Variants in EPS15 observed in about 807,000 individuals in gnomAD.
The protein encoded by EPS15 is epidermal growth factor receptor pathway substrate 15.
A neutral mutation model predicts 113.8 loss-of-function variants in EPS15; 72 were observed. The ratio of observed to expected loss-of-function variants is 0.63; its 90% CI spans 0.52 to 0.77. The LOEUF is 0.77. EPS15 is among the 30% of genes least tolerant of loss of function. The probability of loss-of-function intolerance (pLI) is 0.00; values close to 1 mark genes in which losing one functional copy is unlikely to be tolerated. For synonymous variants in EPS15, 344 were observed against 363.4 expected, an observed-to-expected ratio of 0.95 and a Z score of 0.61; for missense variants, 1,048 against 1,045.8, an observed-to-expected ratio of 1.00 and a Z score of -0.03.
intron 1 of EPS15, among the ~76,000 whole-genome samples, chr1:51,482,417 T>C (rs888500285): frequency 1.6e-4 from 24 of 151,942 alleles, no homozygotes; most frequent in Non-Finnish European, 7.4e-5. Context: ...ATAAGAGGGA[T>C]AGGGAGATAA....
intron 21 of EPS15, among the ~76,000 whole-genome samples, chr1:51,375,527 T>G (rs762954245): frequency 6.6e-6 from 1 of 152,204 alleles, no homozygotes. Context: ...AAATGTCTTG[T>G]GTTTGTGACT....
At chr1:51,487,247 AC>A (rs1644141496) in intron 1 of EPS15, among the ~76,000 whole-genome samples, 1 of 152,220 alleles carries the variant, frequency 6.6e-6, no homozygotes, top group Admixed American at 6.5e-5. Context: ...GACAGATTTG[AC>A]CGAGAAACTG....
intron 1 of EPS15, among the ~76,000 whole-genome samples, chr1:51,508,342 A>AAGAAAGAC: frequency 9.7e-6 from 1 of 102,866 alleles, no homozygotes; most frequent in South Asian, 3.0e-4. Context: ...GAAAGAGAGA[A>AAGAAAGAC]AGAAAGAAAG....
At chr1:51,505,601 G>A (rs981417092) in intron 1 of EPS15, among the ~76,000 whole-genome samples, 4 of 152,056 alleles carry the variant, frequency 2.6e-5, no homozygotes, top group South Asian at 4.1e-4. Flanking sequence ...ATGTTTGCAC[G>A]TATCTGTGAA....
At chr1:51,427,224 A>G (rs757697463) in intron 12 of EPS15, among the ~76,000 whole-genome samples, 16 of 152,204 alleles carry the variant, frequency 1.1e-4, no homozygotes, top group Non-Finnish European at 2.2e-4. Flanking sequence ...TATAAAATGA[A>G]TATCTACTTT....
chr1:51,366,631 T>C (rs944861143), intron 21 of EPS15, among the ~76,000 whole-genome samples: 4 of 152,204 alleles, frequency 2.6e-5, no homozygotes, highest in Non-Finnish European at 5.9e-5. Flanking sequence ...TTGGAACACA[T>C]TTCAAATAAT....
chr1:51,496,072 T>C (rs560712864), intron 1 of EPS15, among the ~76,000 whole-genome samples: 3 of 152,296 alleles, frequency 2.0e-5, no homozygotes, highest in Non-Finnish European at 4.4e-5. Flanking sequence ...ATAACATACA[T>C]TGAATCTCAT....
intron 13 of EPS15, among the ~76,000 whole-genome samples, chr1:51,414,112 T>C (rs1649991152): frequency 6.6e-6 from 1 of 152,066 alleles, no homozygotes; most frequent in Admixed American, 6.6e-5. Flanking sequence ...TTTTGTTAGT[T>C]TGAAAATACA....
chr1:51,483,412 T>C (rs1644058355), intron 1 of EPS15, among the ~76,000 whole-genome samples: 2 of 148,018 alleles, frequency 1.4e-5, no homozygotes, highest in African/African-American at 5.2e-5. Flanking sequence ...TGTGTGTGTG[T>C]GTGTGTGTGT....
chr1:51,492,605 T>C (rs1644254228), intron 1 of EPS15, among the ~76,000 whole-genome samples: 1 of 152,058 alleles, frequency 6.6e-6, no homozygotes, highest in South Asian at 2.1e-4. Context: ...TGATCAAAAA[T>C]CTAGGTGACA....
intron 7 of EPS15, among the ~76,000 whole-genome samples, chr1:51,462,977 C>A (rs995424043): frequency 1.3e-5 from 2 of 149,004 alleles, no homozygotes; most frequent in South Asian, 4.2e-4. Flanking sequence ...CCTGGGTTCA[C>A]GCGATTCTTC....
chr1:51,435,489 C>T (rs543401564), intron 12 of EPS15, among the ~76,000 whole-genome samples: 117 of 152,292 alleles, frequency 7.7e-4, no homozygotes, highest in Middle Eastern at 3.4e-3. Flanking sequence ...CCACTGTGTC[C>T]GGCCTAAAAT....
In EPS15 at chr1:51,356,587, A is replaced by C; in HGVS notation, c.*113T>G. ...CTAAAATTTTGTCACATTTACAGGA[A>C]TCTCAAACCTTTTGTATTCCCATGC... On this transcript the variant is annotated 3_prime_UTR_variant, in exon 25 of 25. Coordinates refer to ENST00000371733, the MANE Select transcript of EPS15 (RefSeq NM_001981.3). The C allele has an allele frequency of 1.1e-6, 1 of 891,358 alleles. No homozygotes were observed. The highest frequency in any genetic ancestry group is 1.6e-6 in the Non-Finnish European group (1 of 614,418). The allele number at this position is 891,358 out of a possible 1,614,324, so 55.2% of individuals were successfully genotyped here. A position where few individuals can be genotyped will look rare whatever the true frequency, so the allele number is the denominator to read the frequency against.
intron 21 of EPS15, among the ~76,000 whole-genome samples, chr1:51,381,349 T>G (rs567701147): frequency 6.6e-6 from 1 of 152,132 alleles, no homozygotes. Flanking sequence ...TCCCAACACT[T>G]TGGGAGGCCG....
chr1:51,435,094 C>G (rs528505230), intron 12 of EPS15, among the ~76,000 whole-genome samples: 7 of 151,638 alleles, frequency 4.6e-5, no homozygotes, highest in Non-Finnish European at 7.4e-5. Flanking sequence ...ACTAAGTCTG[C>G]AGAATATTTA....
chr1:51,463,977 T>C (rs1006647841), intron 6 of EPS15, among the ~76,000 whole-genome samples, 179 bp from the exon 7 acceptor site: 17 of 152,198 alleles, frequency 1.1e-4, no homozygotes, highest in African/African-American at 3.9e-4. Context: ...AAAAAATACA[T>C]AGGAAATAAT....
At chr1:51,391,883 T>C (rs1647405101) in intron 21 of EPS15, among the ~76,000 whole-genome samples, 1 of 152,190 alleles carries the variant, frequency 6.6e-6, no homozygotes, top group Admixed American at 6.5e-5. Flanking sequence ...AGCTGCTTTG[T>C]GTTAGACTTA....
intron 11 of EPS15, among the ~76,000 whole-genome samples, chr1:51,441,971 C>T (rs1652631455): frequency 6.6e-6 from 1 of 152,042 alleles, no homozygotes; most frequent in African/African-American, 2.4e-5. Flanking sequence ...TTTCTTTATG[C>T]CACACTGCAG....
chr1:51,445,721 T>G (rs900059856), intron 10 of EPS15, among the ~76,000 whole-genome samples: 7 of 152,192 alleles, frequency 4.6e-5, no homozygotes, highest in Non-Finnish European at 8.8e-5. Flanking sequence ...ATGAAAAGAC[T>G]ACATAAGTAA....
Sources: gnomAD v4.1 joint callset for allele counts (sites outside exome capture counted in the v4.1 genomes callset) on GRCh38, gnomAD v4.1.1 for gene constraint, MANE v1.5 for transcripts, NCBI Gene and HGNC (gene_info 2026-07-23, HGNC 2026-07-21) for gene names.